The following CUX1 variants were observed in gnomAD, a reference collection of about 807,000 sequenced individuals.
CUX1 encodes cut like homeobox 1.
CUX1 carries 31 observed loss-of-function variants against 158.8 expected under a neutral mutation model. The observed-to-expected ratio is 0.20, with a 90% CI of 0.15 to 0.26. The LOEUF (loss-of-function observed/expected upper bound fraction) is 0.26, where lower values mean the gene tolerates loss of function less well. Ranked by LOEUF, CUX1 falls within the 10% of genes least tolerant of loss-of-function variation. The pLI, the probability that CUX1 is intolerant of heterozygous loss-of-function variation, is 1.00. For missense variants in CUX1, 1,589 were observed against 2,014.6 expected, an observed-to-expected ratio of 0.79 and a Z score of 4.04; for synonymous variants, 879 against 862.1, an observed-to-expected ratio of 1.02 and a Z score of -0.34.
intron 3 of CUX1, among the ~76,000 whole-genome samples, chr7:102,056,249 T>G (rs1008920532): frequency 2.0e-5 from 3 of 152,190 alleles, no homozygotes; most frequent in African/African-American, 7.2e-5. Context: ...ACACAACAGA[T>G]TTTCAATGTA....
At chr7:102,181,283 A>G (rs1349384794) in intron 11 of CUX1, among the ~76,000 whole-genome samples, 1 of 151,994 alleles carries the variant, frequency 6.6e-6, no homozygotes, top group African/African-American at 2.4e-5. Context: ...TCATCAGCTT[A>G]CCCAATGAGT....
intron 3 of CUX1, among the ~76,000 whole-genome samples, chr7:102,055,543 A>G (rs1298723807): frequency 6.6e-6 from 1 of 152,174 alleles, no homozygotes; most frequent in East Asian, 1.9e-4. Flanking sequence ...GACACCACAA[A>G]CTGTGCCCCA....
chr7:102,156,763 C>A (rs1168454353), intron 8 of CUX1, among the ~76,000 whole-genome samples: 1 of 152,148 alleles, frequency 6.6e-6, no homozygotes, highest in Non-Finnish European at 1.5e-5. Context: ...TAGACTTGCC[C>A]GTCACAGACA....
intron 20 of CUX1, among the ~76,000 whole-genome samples, chr7:102,221,825 G>A (rs1264484104): frequency 6.6e-6 from 1 of 151,870 alleles, no homozygotes; most frequent in African/African-American, 2.4e-5. Flanking sequence ...CTGGATGGAT[G>A]GTACTGTGCA....
At chr7:101,936,490 C>A (rs75341691) in intron 2 of CUX1, among the ~76,000 whole-genome samples, 1 of 152,110 alleles carries the variant, frequency 6.6e-6, no homozygotes, top group Non-Finnish European at 1.5e-5. Context: ...ATGGGAACCC[C>A]GGGGAGGAAG....
intron 2 of CUX1, among the ~76,000 whole-genome samples, chr7:101,977,059 T>C (rs1434095669): frequency 6.6e-6 from 1 of 151,754 alleles, no homozygotes; most frequent in East Asian, 1.9e-4. Context: ...ATTACAGGTG[T>C]GTACCACCAC....
chr7:101,854,577 A>T (rs1371361748), intron 1 of CUX1, among the ~76,000 whole-genome samples: 1 of 152,178 alleles, frequency 6.6e-6, no homozygotes, highest in East Asian at 1.9e-4. Flanking sequence ...GCCACTGCTC[A>T]GCCAGTGGGG....
chr7:101,852,842 A>G (rs571957401), intron 1 of CUX1, among the ~76,000 whole-genome samples: 19 of 151,492 alleles, frequency 1.3e-4, no homozygotes, highest in African/African-American at 4.6e-4. Flanking sequence ...ATGCCTGGCT[A>G]GTTTTTTGTA....
intron 1 of CUX1, among the ~76,000 whole-genome samples, chr7:101,842,006 C>A (rs575796229): frequency 6.1e-4 from 93 of 152,234 alleles, no homozygotes; most frequent in African/African-American, 2.2e-3. Flanking sequence ...TTGTAATTTT[C>A]TATTCATTTT....
At chr7:102,098,761 C>T (rs1319084747) in intron 5 of CUX1, among the ~76,000 whole-genome samples, 2 of 151,382 alleles carry the variant, frequency 1.3e-5, no homozygotes, top group Non-Finnish European at 2.9e-5. Flanking sequence ...CTGCCTCAGC[C>T]TCCCGAATAG....
rs191443573 is a variant in CUX1, at chr7:102,088,218, A to G, written c.269-9146A>G. Among the ~76,000 whole-genome samples, 24 of 152,196 alleles carry G rather than the reference A, an allele frequency of 1.6e-4. No individual in the cohort carries two copies. In the East Asian group the frequency reaches 3.9e-3, roughly 25 times the overall value. On this transcript the variant is annotated intron_variant, in intron 4 of 23. Coordinates refer to ENST00000292535, the MANE Select transcript of CUX1 (RefSeq NM_181552.4). ...TCTCCATGTTGGCCAGGCTGGTTTC[A>G]AACTCCTGACCTCAGGTGATCTGCC... is the stretch of plus-strand genomic sequence containing the variant.
At chr7:101,816,998 CCT>C, upstream of CUX1, 1 of 984,326 alleles carries the variant, frequency 1.0e-6, no homozygotes, top group Non-Finnish European at 1.2e-6. Context: ...CTTTTGTGTG[CCT>C]GTGTCGGTGA....
downstream of CUX1, among the ~76,000 whole-genome samples, chr7:102,258,788 TGTAAC>T (rs1790158703): frequency 6.6e-6 from 1 of 152,180 alleles, no homozygotes; most frequent in South Asian, 2.1e-4. Context: ...TGACTCCTGA[TGTAAC>T]AGAAAGACAA....
At chr7:102,211,440 T>A (rs1316380014) in intron 20 of CUX1, among the ~76,000 whole-genome samples, 1 of 150,864 alleles carries the variant, frequency 6.6e-6, no homozygotes, top group Admixed American at 6.6e-5. Flanking sequence ...AGCGAGACCC[T>A]CTCCGCCCGC....
intron 2 of CUX1, among the ~76,000 whole-genome samples, chr7:101,965,309 G>A (rs997774874): frequency 2.0e-5 from 3 of 152,124 alleles, no homozygotes; most frequent in East Asian, 1.9e-4. Flanking sequence ...TTCCTCCCTA[G>A]TGCAAAGCAG....
At chr7:101,913,809 C>T (rs897812397) in intron 1 of CUX1, among the ~76,000 whole-genome samples, 2 of 152,164 alleles carry the variant, frequency 1.3e-5, no homozygotes, top group African/African-American at 2.4e-5. Context: ...AAGTTTTCTG[C>T]GTCTGTGTGC....
chr7:101,960,669 A>G (rs537896216), intron 2 of CUX1: 1 of 152,316 alleles, frequency 6.6e-6, no homozygotes, highest in African/African-American at 2.4e-5. Flanking sequence ...AGAGGCCTTA[A>G]TATACCTTTT....
intron 2 of CUX1, among the ~76,000 whole-genome samples, chr7:101,947,853 C>T (rs1808585309): frequency 6.6e-6 from 1 of 152,214 alleles, no homozygotes; most frequent in Non-Finnish European, 1.5e-5. Context: ...TTAGCAAGGA[C>T]ACCTTCAGAA....
chr7:102,236,710 G>A (rs2132463347), intron 22 of CUX1, among the ~76,000 whole-genome samples: 1 of 152,320 alleles, frequency 6.6e-6, no homozygotes, highest in East Asian at 1.9e-4. Context: ...GCACTAGCCA[G>A]GAGGCAGCCC....
Sources: gnomAD v4.1 joint callset for allele counts (sites outside exome capture counted in the v4.1 genomes callset) on GRCh38, gnomAD v4.1.1 for gene constraint, MANE v1.5 for transcripts, NCBI Gene and HGNC (gene_info 2026-07-23, HGNC 2026-07-21) for gene names.